The following BAG6 variants were observed in gnomAD, a reference collection of about 807,000 sequenced individuals.
BAG6 encodes the protein large proline-rich protein BAG6.
In BAG6, 22 loss-of-function variants were observed where a neutral mutation model predicts 121.0. The ratio of observed to expected loss-of-function variants is 0.18; its 90% CI spans 0.13 to 0.26. The LOEUF (loss-of-function observed/expected upper bound fraction) is 0.26, where lower values mean the gene tolerates loss of function less well. Ranked by LOEUF, BAG6 falls within the 10% of genes least tolerant of loss-of-function variation. The pLI, the probability that BAG6 is intolerant of heterozygous loss-of-function variation, is 1.00. For synonymous variants in BAG6, 583 were observed against 584.6 expected, an observed-to-expected ratio of 1.00 and a Z score of 0.04; for missense variants, 1,233 against 1,537.7, an observed-to-expected ratio of 0.80 and a Z score of 3.31.
At chr6:31,643,774 C>T in intron 14 of BAG6, 116 bp downstream of exon 14, 1 of 612,624 alleles carries the variant, frequency 1.6e-6, no homozygotes, top group African/African-American at 2.2e-5. Flanking sequence ...CAAGACACTA[C>T]AGCAGCCCCA....
intron 8 of BAG6, 65 bp from the exon 9 acceptor site, chr6:31,645,669 A>G (rs995873303): frequency 1.9e-6 from 3 of 1,565,654 alleles, no homozygotes; most frequent in Non-Finnish European, 2.6e-6. Context: ...CTCACTAATA[A>G]AAGCAATAAT....
In BAG6 at chr6:31,644,311, G is replaced by A. The variant is rs747265628; in HGVS notation, c.1551C>T (p.Ala517=). ...QAMVAAVASA[A]AGQQVPGFPT... ...CCTCCCCTTCCAGGTCATTACCTGCGGCCGCGGAGGCAACAGCTGCCACCA... is the reference window on the plus strand; with the variant it reads ...CCTCCCCTTCCAGGTCATTACCTGCAGCCGCGGAGGCAACAGCTGCCACCA... The change falls in exon 12 of 26, where the codon GCC becomes GCT. Residue 517 remains alanine, a synonymous_variant. Transcript: ENST00000676615. The surrounding 1 kb of genome is among the most constrained non-coding windows in gnomAD (Gnocchi z 4.9). The A allele has an allele frequency of 3.0e-5, 46 of 1,551,778 alleles. No individual in the cohort carries two copies. Among genetic ancestry groups the A allele is most frequent in the East Asian group, 9.8e-5 (4 of 40,946 alleles).
rs1561921992 is a variant in BAG6 at position 31,645,153 on chromosome 6, G to A, written c.1162C>T (p.Pro388Ser). The change falls in exon 10 of 26, where the codon CCC becomes TCC. Residue 388 changes from proline to serine, a missense_variant. Physicochemically the swap from Pro to Ser is moderately conservative, Grantham distance 74. Transcript: ENST00000676615. The part of the protein sequence containing the change: ...TVTMTGNGTR[P>S]PPTPNAEAPP... ...GCCTCTGCATTGGGAGTTGGGGGGG[G>A]CCGAGTCCCATTTCCTGTCATGGTC... The A allele has an allele frequency of 1.9e-6, 3 of 1,612,502 alleles. No individual in the cohort carries two copies. Among genetic ancestry groups the A allele is most frequent in the Non-Finnish European group, 1.7e-6 (2 of 1,179,834 alleles).
In BAG6 at chr6:31,640,797, G is replaced by A; in HGVS notation, c.2929C>T (p.Pro977Ser). The change falls in exon 21 of 26, where the codon CCC becomes TCC. Residue 977 changes from proline (P) to serine (S), a missense_variant. Coordinates refer to ENST00000676615, the MANE Select transcript of BAG6 (RefSeq NM_001387994.1). The surrounding 1 kb of genome is among the most constrained non-coding windows in gnomAD (Gnocchi z 4.2). ...TCGCCCAACAGGTCCCTTACCTGGG[G>A]GGGATCACCAACCCTGCGAACGTAT... is the stretch of plus-strand genomic sequence containing the variant. ...LRYVRRVGDP[P>S]QPLPEEPMEV... 1.9e-6 allele frequency: 3 copies of A among 1,612,724 alleles called. No individual in the cohort carries two copies. Among genetic ancestry groups the A allele is most frequent in the Non-Finnish European group, 2.5e-6 (3 of 1,180,022 alleles).
chr6:31,639,477 C>G, intron 25 of BAG6, 23 bp downstream of exon 25: 1 of 1,609,782 alleles, frequency 6.2e-7, no homozygotes, highest in Non-Finnish European at 8.5e-7. Context: ...CTAGACCATC[C>G]CTATTCTGCT....
At chr6:31,649,804 T>C (rs191930337) in intron 2 of BAG6, among the ~76,000 whole-genome samples, 177 bp from the exon 3 acceptor site, 36 of 152,226 alleles carry the variant, frequency 2.4e-4, no homozygotes, top group Admixed American at 9.2e-4. Flanking sequence ...GCTGTCAAAA[T>C]ACAGACAATA....
intron 14 of BAG6, among the ~76,000 whole-genome samples, chr6:31,643,677 T>C (rs945196474): frequency 3.7e-5 from 5 of 135,512 alleles, no homozygotes; most frequent in African/African-American, 8.9e-5. Context: ...TGAGCCAAGA[T>C]TGTACACTGC....
chr6:31,639,441 G>A (rs1780066104), intron 25 of BAG6, 59 bp downstream of exon 25: 2 of 1,571,166 alleles, frequency 1.3e-6, no homozygotes, highest in Non-Finnish European at 1.7e-6. Context: ...ATCCAGGGAA[G>A]AGGGACCCTA....
Position 31,645,533 on chromosome 6 carries a change from G to A in BAG6, c.990C>T (p.Thr330=), listed in dbSNP as rs373354733. 1 of 1,613,144 alleles carries A rather than the reference G, an allele frequency of 6.2e-7. No homozygotes were observed. The highest frequency in any genetic ancestry group is 1.7e-5 in the Admixed American group (1 of 60,030). Residue 330 remains threonine (T), a synonymous_variant, in exon 9 of 26, where the codon ACC becomes ACT. Transcript: ENST00000676615. ...AGCGCAGGTCAGACAGTGCAACAAA[G>A]GTGTTGCCCAGCAGTCGCAGGCTCT... ...VGESLRLLGN[T]FVALSDLRCN... is the part of the protein sequence containing the mutation.
chr6:31,651,863 T>C (rs1396402430), intron 1 of BAG6, 87 bp from the exon 2 acceptor site: 5 of 960,640 alleles, frequency 5.2e-6, no homozygotes, highest in Non-Finnish European at 8.3e-6. Flanking sequence ...CCTGCCCCAA[T>C]ACCTAAAAAG....
Position 31,639,081 on chromosome 6 carries a change from G to A in BAG6, c.*50C>T, listed in dbSNP as rs1253129051. The A allele has an allele frequency of 2.0e-6, 3 of 1,471,706 alleles. No individual in the cohort carries two copies. The highest frequency in any genetic ancestry group is 1.9e-5 in the Admixed American group (1 of 52,326). 91.2% of individuals were successfully genotyped at this position (1,471,706 alleles called of 1,614,324 possible). A position where few individuals can be genotyped will look rare whatever the true frequency, so the allele number is the denominator to read the frequency against. ...CTTTTATTTCTTAAATACTGTGAAG[G>A]AAGAGGGGGGAAACGGTCCCCTGAT... is the stretch of plus-strand genomic sequence containing the variant. On this transcript the variant is annotated 3_prime_UTR_variant, in exon 26 of 26. Coordinates refer to ENST00000676615, the MANE Select transcript of BAG6 (RefSeq NM_001387994.1).
Position 31,641,114 on chromosome 6 carries a change from T to C in BAG6, c.2777A>G (p.Asn926Ser), listed in dbSNP as rs771300798. The part of the protein sequence containing the change: ...GQQMELAAVI[N>S]GRIRRMSRGV... Reference sequence around the variant, plus strand: ...CTAGGTGGTGCTTACAATTCGGCCATTGATAACAGCAGCAAGCTCCATCTG... The same window carrying C: ...CTAGGTGGTGCTTACAATTCGGCCACTGATAACAGCAGCAAGCTCCATCTG... The change falls in exon 20 of 26, where the codon AAT becomes AGT. Residue 926 changes from asparagine (N) to serine (S), a missense_variant. This residue lies in a region of BAG6 where 288 missense variants were observed against 483.1 expected (regional missense o/e 0.60). Transcript: ENST00000676615. This position sits in a 1 kb window ranked among gnomAD's most constrained non-coding sequence, Gnocchi z 5.7. 11 of 1,612,886 alleles carry C rather than the reference T, an allele frequency of 6.8e-6. No individual in the cohort carries two copies. Among genetic ancestry groups the C allele is most frequent in the African/African-American group, 2.7e-5 (2 of 74,926 alleles).
At chr6:31,639,365 G>T in intron 25 of BAG6, 135 bp downstream of exon 25, 2 of 1,477,380 alleles carry the variant, frequency 1.4e-6, no homozygotes, top group Non-Finnish European at 1.9e-6. Context: ...GCACTGTCAA[G>T]CCTTCCCAGA....
chr6:31,647,984 G>T, intron 6 of BAG6, 158 bp from the exon 7 acceptor site: 2 of 971,166 alleles, frequency 2.1e-6, no homozygotes, highest in Non-Finnish European at 1.4e-6. Context: ...GCATAAGACT[G>T]ACACAAATTA....
rs1310526660 is a variant in BAG6 at position 31,645,585 on chromosome 6, T to C, written c.938A>G (p.Asp313Gly). 4 of 1,613,096 alleles carry C rather than the reference T, an allele frequency of 2.5e-6. No homozygotes were observed. The highest frequency in any genetic ancestry group is 1.7e-5 in the Admixed American group (1 of 60,024). Residue 313 changes from aspartate to glycine, a missense_variant, in exon 9 of 26, where the codon GAT (aspartate) becomes GGT (glycine). Physicochemically the swap from Asp to Gly is moderately conservative, Grantham distance 94. Around this residue, in one of 7 missense-constraint regions of BAG6, gnomAD observed 777 missense variants for 861.4 expected, o/e 0.90. Transcript: ENST00000676615. ...YNNNHEGREEDQRLINLVGES... is the reference protein window; with the variant it reads ...YNNNHEGREEGQRLINLVGES... ...CCCTACCAAGTTGATCAACCGCTGA[T>C]CCTCCTCCCGGCCCTCGTGCTGCGC...
At position 31,644,417 on chromosome 6, in the gene BAG6, G is replaced by A. The variant is rs112299178; in HGVS notation, c.1448-3C>T. 6.4e-7 allele frequency: 1 copy of A among 1,550,814 alleles called. No individual in the cohort carries two copies. The highest frequency in any genetic ancestry group is 1.2e-5 in the South Asian group (1 of 83,954). ...GGGCAGCTGGATGAGGGTGGAGCCTGGGGGGCGGGTCTGATGTAACCTTGA... is the reference window on the plus strand; with the variant it reads ...GGGCAGCTGGATGAGGGTGGAGCCTAGGGGGCGGGTCTGATGTAACCTTGA... On this transcript the variant is annotated splice_polypyrimidine_tract_variant and splice_region_variant and intron_variant, in intron 11 of 25. Coordinates refer to ENST00000676615, the MANE Select transcript of BAG6 (RefSeq NM_001387994.1). The surrounding 1 kb of genome is among the most constrained non-coding windows in gnomAD (Gnocchi z 4.9).
intron 14 of BAG6, among the ~76,000 whole-genome samples, chr6:31,643,431 A>G (rs914936785): frequency 2.0e-5 from 3 of 151,342 alleles, no homozygotes; most frequent in South Asian, 2.1e-4. Context: ...TAAAAAAAAA[A>G]GAAAAAAGCT....
chr6:31,643,980 G>A lies in BAG6; in HGVS notation c.1669-3C>T. 6.2e-7 allele frequency: 1 copy of A among 1,614,080 alleles called. No homozygotes were observed. Among genetic ancestry groups the A allele is most frequent in the Non-Finnish European group, 8.5e-7 (1 of 1,180,000 alleles). On this transcript the variant is annotated splice_region_variant and splice_polypyrimidine_tract_variant and intron_variant, in intron 13 of 25. Transcript: ENST00000676615. ...TTGGTACCCAGACCGGCGCCCTGCT[G>A]GATAGAGAGCAAGGGAGAATTTCAG...
rs776385379 is a variant in BAG6, at chr6:31,645,493, T to C, written c.1030A>G (p.Thr344Ala). The C allele has an allele frequency of 7.1e-5, 115 of 1,612,992 alleles. No individual in the cohort carries two copies. The highest frequency in any genetic ancestry group is 2.4e-5 in the Non-Finnish European group (28 of 1,180,040). Residue 344 changes from threonine (T) to alanine (A), a missense_variant, in exon 9 of 26, where the codon ACG becomes GCG. This residue lies in a region of BAG6 where 777 missense variants were observed against 861.4 expected (regional missense o/e 0.90). Transcript: ENST00000676615. ...ACCACATGCAGGTGTCGTGGGGGCG[T>C]GCAGGCCAGATTGCAGCGCAGGTCA... ...LSDLRCNLAC[T>A]PPRHLHVVRP... is the part of the protein sequence containing the mutation.
Sources: gnomAD v4.1 joint callset for allele counts (sites outside exome capture counted in the v4.1 genomes callset) on GRCh38, gnomAD v4.1.1 for gene constraint, gnomAD v4.1.1 regional missense constraint, Gnocchi (gnomAD v3.1) non-coding constraint, MANE v1.5 for transcripts, NCBI Gene and HGNC (gene_info 2026-07-23, HGNC 2026-07-21) for gene names.